DDX50: variants seen among roughly 807,000 people sequenced by gnomAD.
The protein encoded by DDX50 is DExD-box helicase 50.
Under a neutral mutation model 94.8 loss-of-function variants are expected in DDX50, and 56 were observed. The ratio of observed to expected loss-of-function variants is 0.59; its 90% confidence interval spans 0.48 to 0.74. The LOEUF (loss-of-function observed/expected upper bound fraction) is 0.74, where lower values mean the gene tolerates loss of function less well. Ranked by LOEUF, DDX50 falls within the 30% of genes least tolerant of loss-of-function variation. DDX50 has a pLI of 0.00. For synonymous variants in DDX50, 264 were observed against 295.4 expected (o/e 0.89, Z 1.09); for missense variants, 713 against 881.2 (o/e 0.81, Z 2.42).
chr10:68,939,369 G>T (rs1459443730), intron 12 of DDX50, among the ~76,000 whole-genome samples: 1 of 152,114 alleles, frequency 6.6e-6, no homozygotes, highest in East Asian at 1.9e-4. Context: ...ATCCAATGAA[G>T]AATCCCTCTT....
At chr10:68,933,672 G>A (rs1157488946) in intron 8 of DDX50, among the ~76,000 whole-genome samples, 3 of 151,586 alleles carry the variant, frequency 2.0e-5, no homozygotes, top group Non-Finnish European at 2.9e-5. Flanking sequence ...GGTGGCTCAC[G>A]CCTGTAATCC....
intron 1 of DDX50, among the ~76,000 whole-genome samples, chr10:68,902,252 G>A (rs1841314424): frequency 6.7e-6 from 1 of 148,324 alleles, no homozygotes; most frequent in African/African-American, 2.5e-5. Flanking sequence ...AGGATCACAA[G>A]GTGCTGAAAA....
At chr10:68,940,333 C>T (rs1158206397) in intron 12 of DDX50, among the ~76,000 whole-genome samples, 2 of 148,948 alleles carry the variant, frequency 1.3e-5, no homozygotes, top group African/African-American at 2.5e-5. Context: ...GAGCTGAGAT[C>T]GTGCCACTGC....
intron 8 of DDX50, among the ~76,000 whole-genome samples, chr10:68,929,150 T>C (rs912790325): frequency 6.6e-6 from 1 of 152,058 alleles, no homozygotes; most frequent in Non-Finnish European, 1.5e-5. Flanking sequence ...TTTTGCCATG[T>C]TGGCCAGGCT....
rs371312215 is a variant in DDX50 at position 68,943,069 on chromosome 10, A to C, written c.1891-144A>C. The C allele has an allele frequency of 2.0e-5, 14 of 700,014 alleles. No individual in the cohort carries two copies. In the South Asian group the frequency reaches 2.4e-4, roughly 12 times the overall value. 43.4% of individuals were successfully genotyped at this position (700,014 alleles called of 1,614,324 possible). ...CTGTAGATTCTTAGCAGTAGTTGTA[A>C]ATTCTTATTGGATACTGTGTTTAGT... is the stretch of plus-strand genomic sequence containing the variant. On this transcript the variant is annotated intron_variant, in intron 13 of 14. Transcript: ENST00000373585.
In DDX50 at chr10:68,920,804, G is replaced by T. The variant is rs182334139; in HGVS notation, c.1239+823G>T. On this transcript the variant is annotated intron_variant, in intron 8 of 14. Coordinates refer to ENST00000373585, the MANE Select transcript of DDX50 (RefSeq NM_024045.2). ...CTACTAAAAATATAAAAATTAGCCG[G>T]TGTGGTGGTGGGCGCCTGTAATCCC... 6.3e-3 allele frequency among the ~76,000 whole-genome samples: 957 copies of T among 151,784 alleles called. 9 individuals are homozygous for T. The highest frequency in any genetic ancestry group is 0.011 in the Non-Finnish European group (757 of 67,938).
At chr10:68,945,299 T>C (rs1334184926) in intron 14 of DDX50, among the ~76,000 whole-genome samples, 1 of 137,772 alleles carries the variant, frequency 7.3e-6, no homozygotes, top group African/African-American at 2.7e-5. Context: ...CAGGGTGTCT[T>C]AATAACAACA....
At chr10:68,945,786 T>A (rs1842656569) in intron 14 of DDX50, among the ~76,000 whole-genome samples, 1 of 152,198 alleles carries the variant, frequency 6.6e-6, no homozygotes, top group South Asian at 2.1e-4. Context: ...TTGTATTTAA[T>A]CTCCATCATG....
intron 8 of DDX50, among the ~76,000 whole-genome samples, chr10:68,930,658 T>G (rs1224178784): frequency 7.4e-6 from 1 of 135,562 alleles, no homozygotes; most frequent in Non-Finnish European, 1.5e-5. Context: ...CATGGTTTTG[T>G]TTTTTTTGGG....
rs1310454335 is a variant in DDX50 at position 68,901,483 on chromosome 10, A to G, written c.87+12A>G. 2 of 1,557,658 alleles carry G rather than the reference A, an allele frequency of 1.3e-6. No homozygotes were observed. Among genetic ancestry groups the G allele is most frequent in the Non-Finnish European group, 1.7e-6 (2 of 1,151,080 alleles). On this transcript the variant is annotated intron_variant, in intron 1 of 14. Transcript: ENST00000373585. ...AGGAGAGGCAAAAGGTGCGCTGAGC[A>G]TGGGCCGCGCCTCCTTTTGGGCTGC...
chr10:68,927,403 T>G (rs1842120338), intron 8 of DDX50, among the ~76,000 whole-genome samples: 1 of 152,232 alleles, frequency 6.6e-6, no homozygotes, highest in African/African-American at 2.4e-5. Context: ...TTTATATTCT[T>G]GTCTATACTT....
chr10:68,942,712 C>G (rs1353902926), intron 13 of DDX50, among the ~76,000 whole-genome samples: 1 of 152,016 alleles, frequency 6.6e-6, no homozygotes, highest in East Asian at 1.9e-4. Context: ...CTCCCAGGCC[C>G]AAGCGATCCT....
Position 68,917,657 on chromosome 10 carries a change from G to A in DDX50, c.1090-2175G>A, listed in dbSNP as rs116822589. On this transcript the variant is annotated intron_variant, in intron 7 of 14. Transcript: ENST00000373585. ...GCTCTGTCGCCCCGGCTGCAGTGCA[G>A]TGTGGCATGATCTCAGCTCATTGCA... Among the ~76,000 whole-genome samples, 465 of 152,282 alleles carry A rather than the reference G, an allele frequency of 3.1e-3. 3 individuals carry two copies. Among genetic ancestry groups the A allele is most frequent in the African/African-American group, 0.011 (440 of 41,578 alleles).
At chr10:68,933,562 A>G (rs1018711557) in intron 8 of DDX50, among the ~76,000 whole-genome samples, 43 of 152,134 alleles carry the variant, frequency 2.8e-4, no homozygotes, top group African/African-American at 9.9e-4. Context: ...ACAAAACCCT[A>G]CCTATGTAAT....
chr10:68,946,381 C>T lies in DDX50; in HGVS notation c.1965C>T (p.Leu655=). Residue 655 remains leucine, a synonymous_variant, in exon 15 of 15, where the codon CTC becomes CTT. Transcript: ENST00000373585. ...AGTGGCATGATTCCGACTGGATACT[C>T]TCAGTGCCAGCCAAATTACCTGAAA... ...QAEWHDSDWI[L]SVPAKLPEIE... 6.2e-7 allele frequency: 1 copy of T among 1,613,898 alleles called. No individual in the cohort carries two copies. Among genetic ancestry groups the T allele is most frequent in the Non-Finnish European group, 8.5e-7 (1 of 1,179,810 alleles).
intron 13 of DDX50, among the ~76,000 whole-genome samples, chr10:68,941,638 T>C (rs1376499511): frequency 1.3e-5 from 2 of 151,356 alleles, no homozygotes. Context: ...GTATTATTAT[T>C]ATTATTATTT....
At chr10:68,913,332 A>G in intron 5 of DDX50, 53 bp downstream of exon 5, 2 of 1,601,022 alleles carry the variant, frequency 1.2e-6, no homozygotes, top group South Asian at 1.1e-5. Context: ...ACTCATATTT[A>G]AATAAATAAT....
At chr10:68,927,662 A>G (rs35570648) in intron 8 of DDX50, among the ~76,000 whole-genome samples, 17,943 of 152,254 alleles carry the variant, frequency 0.12, 1,343 homozygotes, top group Admixed American at 0.18. Flanking sequence ...TTAAAAAAAT[A>G]TATATTTGCC....
intron 7 of DDX50, among the ~76,000 whole-genome samples, chr10:68,916,353 CA>C (rs11420993): frequency 2.7e-4 from 33 of 123,458 alleles, no homozygotes; most frequent in Non-Finnish European, 3.0e-4. Flanking sequence ...GACTCTGTCT[CA>C]AAAAAAAAAA....
Sources: allele counts gnomAD v4.1 joint callset (sites outside exome capture counted in the v4.1 genomes callset), GRCh38; gene constraint gnomAD v4.1.1; transcripts MANE v1.5; gene names NCBI Gene and HGNC (gene_info 2026-07-23, HGNC 2026-07-21).